NOX3: variants seen among roughly 807,000 people sequenced by gnomAD.
The protein encoded by NOX3 is NADPH oxidase catalytic subunit-like 3.
Under a neutral mutation model 76.7 loss-of-function variants are expected in NOX3, and 74 were observed. That is an observed-to-expected ratio of 0.96 (90% CI 0.80 to 1.17). NOX3 has a LOEUF of 1.17. NOX3 is among the 50% of genes most tolerant of loss of function. The pLI, the probability that NOX3 is intolerant of heterozygous loss-of-function variation, is 0.00. For synonymous variants in NOX3, 263 were observed against 261.1 expected (o/e 1.01, Z -0.07); for missense variants, 695 against 703.3 (o/e 0.99, Z 0.13).
At chr6:155,429,740 C>G (rs1441956073) in intron 8 of NOX3, among the ~76,000 whole-genome samples, 1 of 152,088 alleles carries the variant, frequency 6.6e-6, no homozygotes. Context: ...TGAAAAATCT[C>G]TCCAGGCCCT....
At chr6:155,452,607 C>G (rs1182199014) in intron 4 of NOX3, among the ~76,000 whole-genome samples, 2 of 151,340 alleles carry the variant, frequency 1.3e-5, no homozygotes, top group Admixed American at 6.6e-5. Context: ...TAATTAAATT[C>G]ACATTTGTTT....
intron 10 of NOX3, among the ~76,000 whole-genome samples, chr6:155,416,744 C>CTTTTGT (rs1776625715): frequency 1.1e-5 from 1 of 92,536 alleles, no homozygotes; most frequent in Admixed American, 1.4e-4. Context: ...CTGAAACATT[C>CTTTTGT]TTTTTTTTTT....
At chr6:155,434,130 T>TG (rs968952594) in intron 7 of NOX3, among the ~76,000 whole-genome samples, 1 of 152,210 alleles carries the variant, frequency 6.6e-6, no homozygotes, top group African/African-American at 2.4e-5. Flanking sequence ...TCAGATCTCC[T>TG]GGGGCAGGTC....
At chr6:155,426,982 G>GCCGTGT (rs1554263742) in intron 9 of NOX3, among the ~76,000 whole-genome samples, 1 of 78,866 alleles carries the variant, frequency 1.3e-5, no homozygotes, top group Non-Finnish European at 2.4e-5. Context: ...TAGACACTGT[G>GCCGTGT]GCGTGTGTGT....
At chr6:155,410,456 A>G (rs915001295) in intron 11 of NOX3, among the ~76,000 whole-genome samples, 1 of 152,236 alleles carries the variant, frequency 6.6e-6, no homozygotes, top group Non-Finnish European at 1.5e-5. Context: ...ATTAGAATAT[A>G]TATTGTGTAA....
intron 4 of NOX3, among the ~76,000 whole-genome samples, chr6:155,448,019 T>G (rs1013388537): frequency 1.3e-5 from 2 of 152,212 alleles, no homozygotes; most frequent in South Asian, 4.1e-4. Flanking sequence ...AGTGATATGG[T>G]TTGATTTCTC....
chr6:155,402,850 C>A (rs115078103), intron 12 of NOX3, among the ~76,000 whole-genome samples: 1,983 of 152,264 alleles, frequency 0.013, 53 homozygotes, highest in African/African-American at 0.045. Flanking sequence ...TTCAAAGGCC[C>A]TCAAGAACAA....
chr6:155,435,262 T>G (rs1241596053), intron 7 of NOX3, among the ~76,000 whole-genome samples: 1 of 152,158 alleles, frequency 6.6e-6, no homozygotes, highest in African/African-American at 2.4e-5. Flanking sequence ...GGCCCTGGTC[T>G]GTATTCATGA....
intron 12 of NOX3, among the ~76,000 whole-genome samples, chr6:155,401,260 T>C (rs1176646387): frequency 6.6e-6 from 1 of 152,170 alleles, no homozygotes. Flanking sequence ...ACCAGAGAGA[T>C]TGATGCCCTC....
chr6:155,431,501 T>C (rs1288006042), intron 7 of NOX3, among the ~76,000 whole-genome samples: 1 of 151,810 alleles, frequency 6.6e-6, no homozygotes, highest in East Asian at 1.9e-4. Context: ...AATTTAAGTT[T>C]ATCTAATCAC....
intron 7 of NOX3, 127 bp from the exon 8 acceptor site, chr6:155,431,062 T>TA: frequency 1.6e-6 from 1 of 610,040 alleles, no homozygotes; most frequent in Non-Finnish European, 2.9e-6. Flanking sequence ...TTGGGCCAGT[T>TA]ATCAGCAACA....
At chr6:155,409,819 A>T (rs1228556363) in intron 11 of NOX3, among the ~76,000 whole-genome samples, 1 of 152,176 alleles carries the variant, frequency 6.6e-6, no homozygotes, top group Non-Finnish European at 1.5e-5. Context: ...TTTAGAAAAA[A>T]AATATATGTT....
chr6:155,444,646 G>A (rs548578120), intron 4 of NOX3, among the ~76,000 whole-genome samples: 34 of 152,238 alleles, frequency 2.2e-4, no homozygotes, highest in African/African-American at 5.1e-4. Flanking sequence ...TGCTAGTTTC[G>A]CTGTCACACC....
chr6:155,451,627 A>AT (rs891887884), intron 4 of NOX3, among the ~76,000 whole-genome samples: 15 of 151,032 alleles, frequency 9.9e-5, no homozygotes, highest in South Asian at 4.2e-4. Flanking sequence ...TTTCTGTTGT[A>AT]TTTTTTTTTC....
At chr6:155,444,560 G>C (rs950006089) in intron 4 of NOX3, among the ~76,000 whole-genome samples, 1 of 152,210 alleles carries the variant, frequency 6.6e-6, no homozygotes, top group Non-Finnish European at 1.5e-5. Context: ...GAAAAAAACT[G>C]TATGTGGAAG....
intron 8 of NOX3, among the ~76,000 whole-genome samples, chr6:155,430,592 A>G (rs576720370): frequency 6.6e-6 from 1 of 152,208 alleles, no homozygotes; most frequent in East Asian, 1.9e-4. Context: ...ATAAAGACAA[A>G]GCAGATCATT....
intron 12 of NOX3, among the ~76,000 whole-genome samples, chr6:155,397,694 T>A (rs1422699256): frequency 6.6e-6 from 1 of 152,156 alleles, no homozygotes; most frequent in Non-Finnish European, 1.5e-5. Flanking sequence ...TTCAAAAGGG[T>A]TTTAAAAAGG....
chr6:155,423,369 G>A (rs1412870426), intron 9 of NOX3, among the ~76,000 whole-genome samples: 1 of 152,102 alleles, frequency 6.6e-6, no homozygotes. Flanking sequence ...TATTCATTTG[G>A]AATAAATATA....
intron 10 of NOX3, among the ~76,000 whole-genome samples, chr6:155,420,189 A>G (rs2114687784): frequency 6.6e-6 from 1 of 152,250 alleles, no homozygotes; most frequent in Non-Finnish European, 1.5e-5. Flanking sequence ...GGGGGAGGTG[A>G]TTGTGAGTCG....
Sources: gnomAD v4.1 joint callset for allele counts (sites outside exome capture counted in the v4.1 genomes callset) on GRCh38, gnomAD v4.1.1 for gene constraint, MANE v1.5 for transcripts, NCBI Gene and HGNC (gene_info 2026-07-23, HGNC 2026-07-21) for gene names.